The following SLCO1B1 variants were observed in gnomAD, a reference collection of about 807,000 sequenced individuals.
The protein encoded by SLCO1B1 is solute carrier organic anion transporter family member 1B1.
In SLCO1B1, 81 loss-of-function variants were observed where a neutral mutation model predicts 70.1. The ratio of observed to expected loss-of-function variants is 1.16; its 90% CI spans 0.97 to 1.39. The LOEUF (loss-of-function observed/expected upper bound fraction) is 1.39. SLCO1B1 is among the 40% of genes most tolerant of loss of function. The pLI, the probability that SLCO1B1 is intolerant of heterozygous loss-of-function variation, is 0.00. For synonymous variants in SLCO1B1, 283 were observed against 271.5 expected (o/e 1.04, Z -0.42); for missense variants, 895 against 799.6 (o/e 1.12, Z -1.44).
At chr12:21,204,069 A>T (rs2121152658) in intron 10 of SLCO1B1, among the ~76,000 whole-genome samples, 1 of 152,052 alleles carries the variant, frequency 6.6e-6, no homozygotes, top group African/African-American at 2.4e-5. Flanking sequence ...CCCTCATGGG[A>T]CTCATAATCT....
chr12:21,177,029 C>A, intron 5 of SLCO1B1, 132 bp downstream of exon 5: 3 of 698,324 alleles, frequency 4.3e-6, no homozygotes, highest in South Asian at 1.6e-5. Flanking sequence ...CTCTTACAGA[C>A]ATAATTATAG....
chr12:21,196,205 AG>A (rs1160816902), intron 7 of SLCO1B1, among the ~76,000 whole-genome samples: 3 of 152,198 alleles, frequency 2.0e-5, no homozygotes, highest in Non-Finnish European at 4.4e-5. Context: ...GAAAGAAAAA[AG>A]GGTCCAGTCC....
chr12:21,193,820 TCA>T (rs1281075583), intron 7 of SLCO1B1, among the ~76,000 whole-genome samples: 2 of 152,146 alleles, frequency 1.3e-5, no homozygotes, highest in Non-Finnish European at 2.9e-5. Flanking sequence ...AGACAGAGTC[TCA>T]CTCTGTGGCC....
At chr12:21,217,756 A>G (rs1223848196) in intron 12 of SLCO1B1, among the ~76,000 whole-genome samples, 1 of 152,194 alleles carries the variant, frequency 6.6e-6, no homozygotes, top group Non-Finnish European at 1.5e-5. Flanking sequence ...GACTCACAGC[A>G]TGACTTTTAT....
chr12:21,205,034 G>A (rs1243330038), intron 10 of SLCO1B1, among the ~76,000 whole-genome samples: 1 of 151,838 alleles, frequency 6.6e-6, no homozygotes, highest in Non-Finnish European at 1.5e-5. Flanking sequence ...AGCAGAATAT[G>A]CTTTTTAATA....
chr12:21,216,933 T>C (rs899344053), intron 11 of SLCO1B1, among the ~76,000 whole-genome samples, 186 bp from the exon 12 acceptor site: 3 of 152,194 alleles, frequency 2.0e-5, no homozygotes, highest in African/African-American at 7.2e-5. Flanking sequence ...CATTGTCTTA[T>C]ATAGAAAGAA....
At chr12:21,143,697 C>G (rs1940344747) in intron 2 of SLCO1B1, among the ~76,000 whole-genome samples, 1 of 152,030 alleles carries the variant, frequency 6.6e-6, no homozygotes, top group African/African-American at 2.4e-5. Flanking sequence ...CCTATGCTCT[C>G]AACTGTATTC....
At chr12:21,206,233 T>C (rs1941213601) in intron 11 of SLCO1B1, among the ~76,000 whole-genome samples, 200 bp downstream of exon 11, 1 of 151,918 alleles carries the variant, frequency 6.6e-6, no homozygotes, top group African/African-American at 2.4e-5. Context: ...ATCAGGTTTT[T>C]CTGTTACTTG....
chr12:21,178,655 C>T lies in SLCO1B1; in HGVS notation c.561C>T (p.Pro187=). ...GNMLRGIGET[P]IVPLGLSYID... ...TGCTTCGTGGAATAGGGGAGACTCC[C>T]ATAGTACCATTGGGGCTTTCTTACA... Residue 187 remains proline (P), a synonymous_variant, in exon 6 of 15, where the codon CCC becomes CCT. Transcript: ENST00000256958. 1 of 1,606,656 alleles carries T rather than the reference C, an allele frequency of 6.2e-7. No homozygotes were observed. Among genetic ancestry groups the T allele is most frequent in the Non-Finnish European group, 8.5e-7 (1 of 1,173,296 alleles).
intron 2 of SLCO1B1, among the ~76,000 whole-genome samples, chr12:21,144,512 T>C (rs917240596): frequency 6.6e-6 from 1 of 151,988 alleles, no homozygotes; most frequent in African/African-American, 2.4e-5. Context: ...CCATGAAAAA[T>C]TTCCCAGTCT....
Position 21,197,121 on chromosome 12 carries a change from A to G in SLCO1B1, c.903A>G (p.Thr301=), listed in dbSNP as rs747092765. 6.2e-7 allele frequency: 1 copy of G among 1,613,746 alleles called. No individual in the cohort carries two copies. Among genetic ancestry groups the G allele is most frequent in the South Asian group, 1.1e-5 (1 of 91,084 alleles). The change falls in exon 8 of 15, where the codon ACA becomes ACG. Residue 301 remains threonine, a synonymous_variant. Transcript: ENST00000256958. ...CACTGTCTTTGCATGTGCTGGAAAC[A>G]AATGATGAAAAGGATCAAACAGCTA... ...KASLSLHVLE[T]NDEKDQTANL... is the part of the protein sequence containing the mutation.
At chr12:21,224,165 CCAGAAAAAAGTA>C (rs1941459995) in intron 13 of SLCO1B1, among the ~76,000 whole-genome samples, 1 of 151,878 alleles carries the variant, frequency 6.6e-6, no homozygotes, top group Non-Finnish European at 1.5e-5. Context: ...ATGTCTGAGC[CCAGAAAAAAGTA>C]CAACCTGCCA....
At chr12:21,216,124 T>C (rs2121177957) in intron 11 of SLCO1B1, among the ~76,000 whole-genome samples, 1 of 152,224 alleles carries the variant, frequency 6.6e-6, no homozygotes, top group South Asian at 2.1e-4. Context: ...TATTGCAAAG[T>C]TTTTATTATT....
chr12:21,236,588 G>T (rs188136756), intron 14 of SLCO1B1, among the ~76,000 whole-genome samples: 2 of 152,150 alleles, frequency 1.3e-5, no homozygotes, highest in African/African-American at 4.8e-5. Flanking sequence ...ACAATTTGGT[G>T]GTCAGCAGAT....
At chr12:21,192,275 T>C (rs907260319) in intron 7 of SLCO1B1, among the ~76,000 whole-genome samples, 1 of 152,036 alleles carries the variant, frequency 6.6e-6, no homozygotes, top group African/African-American at 2.4e-5. Context: ...TGATTATTAA[T>C]TCAATATTTT....
intron 11 of SLCO1B1, among the ~76,000 whole-genome samples, chr12:21,208,488 G>A (rs1941239701): frequency 1.3e-5 from 2 of 151,928 alleles, no homozygotes; most frequent in African/African-American, 2.4e-5. Flanking sequence ...TTTAGTCTAG[G>A]TGTCTGTTTT....
At chr12:21,203,184 C>T (rs1250769607) in intron 10 of SLCO1B1, among the ~76,000 whole-genome samples, 3 of 152,086 alleles carry the variant, frequency 2.0e-5, no homozygotes, top group Admixed American at 6.6e-5. Flanking sequence ...AACAAAAGAA[C>T]ACTTTTAATG....
At chr12:21,230,425 G>A (rs1941523082) in intron 14 of SLCO1B1, among the ~76,000 whole-genome samples, 1 of 147,628 alleles carries the variant, frequency 6.8e-6, no homozygotes, top group African/African-American at 2.5e-5. Context: ...CCGCTTCCCA[G>A]GTTCAAGCGA....
chr12:21,158,643 A>G (rs1057508804), intron 2 of SLCO1B1, among the ~76,000 whole-genome samples: 3 of 152,120 alleles, frequency 2.0e-5, no homozygotes, highest in African/African-American at 7.2e-5. Flanking sequence ...GCAGTGAGCC[A>G]AGACCACGCC....
Sources: allele counts gnomAD v4.1 joint callset (sites outside exome capture counted in the v4.1 genomes callset), GRCh38; gene constraint gnomAD v4.1.1; transcripts MANE v1.5; gene names NCBI Gene and HGNC (gene_info 2026-07-23, HGNC 2026-07-21).